Variants in TBC1D22B observed in about 807,000 individuals in gnomAD.
The protein encoded by TBC1D22B is TBC1 domain family member 22B.
Under a neutral mutation model 69.1 loss-of-function variants are expected in TBC1D22B, and 32 were observed. That is an observed-to-expected ratio of 0.46 (90% CI 0.35 to 0.62). The LOEUF (loss-of-function observed/expected upper bound fraction) is 0.62, where lower values mean the gene tolerates loss of function less well. TBC1D22B is among the 20% of genes least tolerant of loss of function. The pLI is 0.00. For missense variants in TBC1D22B, 462 were observed against 630.9 expected (o/e 0.73, Z 2.87); for synonymous variants, 206 against 229.8 (o/e 0.90, Z 0.94).
intron 2 of TBC1D22B, among the ~76,000 whole-genome samples, chr6:37,276,361 C>T (rs1033913396): frequency 6.6e-6 from 1 of 152,162 alleles, no homozygotes; most frequent in Non-Finnish European, 1.5e-5. Flanking sequence ...TCCACGAAAG[C>T]CTCTTTCCTC....
rs749122092 is a variant in TBC1D22B, at chr6:37,331,051, T to C, written c.1397T>C (p.Leu466Pro). The C allele has an allele frequency of 6.2e-7, 1 of 1,614,136 alleles. No individual in the cohort carries two copies. Residue 466 changes from leucine (L) to proline (P), a missense_variant, in exon 13 of 13, where the codon CTC (leucine) becomes CCC (proline). Coordinates refer to ENST00000373491, the MANE Select transcript of TBC1D22B (RefSeq NM_017772.4). ...TCCTTTCTTGCATTCCAGGGTCTCCTCATGCTGCTACAGAACCTACCTACA... is the reference window on the plus strand; with the variant it reads ...TCCTTTCTTGCATTCCAGGGTCTCCCCATGCTGCTACAGAACCTACCTACA... ...ILDEEDFQGL[L>P]MLLQNLPTIH...
intron 2 of TBC1D22B, among the ~76,000 whole-genome samples, chr6:37,270,687 T>G (rs1428311854): frequency 1.3e-5 from 2 of 152,158 alleles, no homozygotes; most frequent in African/African-American, 4.8e-5. Flanking sequence ...CTAAGAACTT[T>G]GGCCTCTATT....
Position 37,316,806 on chromosome 6 carries a change from C to G in TBC1D22B, c.1269C>G (p.Thr423=). The change falls in exon 11 of 13, where the codon ACC becomes ACG. Residue 423 remains threonine, a synonymous_variant. Transcript: ENST00000373491. ...TGCGGGAGCTTCCTCTTCGCTGCACCATCCGCCTGTGGGACACATATCAGG... is the reference window on the plus strand; with the variant it reads ...TGCGGGAGCTTCCTCTTCGCTGCACGATCCGCCTGTGGGACACATATCAGG... The part of the protein sequence containing the change: ...LLMRELPLRC[T]IRLWDTYQSE... 6.2e-7 allele frequency: 1 copy of G among 1,614,212 alleles called. No homozygotes were observed. Among genetic ancestry groups the G allele is most frequent in the East Asian group, 2.2e-5 (1 of 44,878 alleles).
chr6:37,282,256 G>C lies in TBC1D22B; in HGVS notation c.493G>C (p.Ala165Pro). ...LPLRPIIPLV[A>P]RISDQNASGA... is the part of the protein sequence containing the mutation. ...TCTCCGGCCCATCATCCCCCTCGTTGCCCGGATCTCGGATCAGAACGCTTC... is the reference window on the plus strand; with the variant it reads ...TCTCCGGCCCATCATCCCCCTCGTTCCCCGGATCTCGGATCAGAACGCTTC... Residue 165 changes from alanine (A) to proline (P), a missense_variant, in exon 4 of 13, where the codon GCC becomes CCC. By Grantham distance (27) the Ala-to-Pro change is conservative. Around this residue, in one of 2 missense-constraint regions of TBC1D22B, gnomAD observed 237 missense variants for 255.4 expected, o/e 0.93. Coordinates refer to ENST00000373491, the MANE Select transcript of TBC1D22B (RefSeq NM_017772.4). 1 of 1,614,084 alleles carries C rather than the reference G, an allele frequency of 6.2e-7. No homozygotes were observed. The highest frequency in any genetic ancestry group is 8.5e-7 in the Non-Finnish European group (1 of 1,180,016).
At chr6:37,268,266 C>A (rs9470546) in intron 1 of TBC1D22B, among the ~76,000 whole-genome samples, 126,098 of 151,916 alleles carry the variant, frequency 0.83, 52,808 homozygotes, top group South Asian at 0.91. Context: ...CCTTTTCTTT[C>A]CAACAGGGTC....
chr6:37,331,205 C>T lies in TBC1D22B; in HGVS notation c.*33C>T. ...CTCCTCCGGGGACCCAGACTGCCTT[C>T]ATCTCTGATGGCAGTCTGATCACTG... On this transcript the variant is annotated 3_prime_UTR_variant, in exon 13 of 13. Transcript: ENST00000373491. 6.2e-7 allele frequency: 1 copy of T among 1,611,610 alleles called. No homozygotes were observed. The highest frequency in any genetic ancestry group is 8.5e-7 in the Non-Finnish European group (1 of 1,178,164).
intron 2 of TBC1D22B, among the ~76,000 whole-genome samples, chr6:37,278,077 T>C (rs1766720177): frequency 6.6e-6 from 1 of 152,062 alleles, no homozygotes; most frequent in Non-Finnish European, 1.5e-5. Flanking sequence ...TAAGCCAAGA[T>C]TTCTCTACTG....
chr6:37,306,611 C>T (rs1189846297), intron 8 of TBC1D22B, among the ~76,000 whole-genome samples: 4 of 152,226 alleles, frequency 2.6e-5, no homozygotes, highest in Non-Finnish European at 4.4e-5. Flanking sequence ...ACTTAACCAG[C>T]AGCAACTAAT....
chr6:37,327,215 G>C (rs866098242), intron 12 of TBC1D22B, among the ~76,000 whole-genome samples: 1 of 94,834 alleles, frequency 1.1e-5, no homozygotes, highest in Non-Finnish European at 2.0e-5. Flanking sequence ...GCGGTGGCTC[G>C]CGCCTGTAAT....
At chr6:37,303,858 CTG>C (rs1767634625) in intron 8 of TBC1D22B, among the ~76,000 whole-genome samples, 1 of 152,194 alleles carries the variant, frequency 6.6e-6, no homozygotes, top group South Asian at 2.1e-4. Flanking sequence ...TTCTGTCACT[CTG>C]TAGATTTCTC....
intron 1 of TBC1D22B, among the ~76,000 whole-genome samples, chr6:37,260,983 A>G (rs1562035739): frequency 6.6e-6 from 1 of 152,182 alleles, no homozygotes; most frequent in African/African-American, 2.4e-5. Flanking sequence ...TATATTTTCT[A>G]TTCTTCTGCT....
intron 2 of TBC1D22B, among the ~76,000 whole-genome samples, chr6:37,272,342 G>A (rs1766513455): frequency 6.6e-6 from 1 of 151,290 alleles, no homozygotes. Context: ...TAGGATTGCA[G>A]GCAAGAGCCA....
chr6:37,291,706 C>T (rs1024330937), intron 8 of TBC1D22B, among the ~76,000 whole-genome samples: 3 of 152,178 alleles, frequency 2.0e-5, no homozygotes, highest in Non-Finnish European at 4.4e-5. Flanking sequence ...GACATCAAGC[C>T]TGCACACTCC....
chr6:37,271,306 CTG>C (rs1245971704), intron 2 of TBC1D22B, among the ~76,000 whole-genome samples: 2 of 152,100 alleles, frequency 1.3e-5, no homozygotes, highest in Non-Finnish European at 2.9e-5. Flanking sequence ...GAGCAAGACT[CTG>C]TCTCAAAAAA....
At chr6:37,270,093 ATTC>A (rs1464754774) in intron 2 of TBC1D22B, among the ~76,000 whole-genome samples, 2 of 152,140 alleles carry the variant, frequency 1.3e-5, no homozygotes, top group East Asian at 3.9e-4. Context: ...GTAGGCTGGC[ATTC>A]TTTAGTTCCT....
intron 8 of TBC1D22B, among the ~76,000 whole-genome samples, chr6:37,294,213 A>G (rs1767282129): frequency 6.6e-6 from 1 of 152,122 alleles, no homozygotes; most frequent in Non-Finnish European, 1.5e-5. Flanking sequence ...AAATTTAATT[A>G]TTTTTTTAAG....
Position 37,331,350 on chromosome 6 carries a change from T to C in TBC1D22B, c.*178T>C. 1 of 597,688 alleles carries C rather than the reference T, an allele frequency of 1.7e-6. No homozygotes were observed. The highest frequency in any genetic ancestry group is 2.9e-5 in the East Asian group (1 of 33,940). 37.0% of individuals were successfully genotyped at this position (597,688 alleles called of 1,614,324 possible). A position where few individuals can be genotyped will look rare whatever the true frequency, so the allele number is the denominator to read the frequency against. Reference sequence around the variant, plus strand: ...CACTCCATGTCTCTGGATGTGTCACTTGGACCACTGTCAGTATTCCATGCC... The same window carrying C: ...CACTCCATGTCTCTGGATGTGTCACCTGGACCACTGTCAGTATTCCATGCC... On this transcript the variant is annotated 3_prime_UTR_variant, in exon 13 of 13. Coordinates refer to ENST00000373491, the MANE Select transcript of TBC1D22B (RefSeq NM_017772.4).
chr6:37,314,020 T>C (rs1768004169), intron 10 of TBC1D22B, 129 bp downstream of exon 10: 3 of 801,382 alleles, frequency 3.7e-6, no homozygotes, highest in Non-Finnish European at 6.4e-6. Flanking sequence ...TGAGTGCTGC[T>C]GGCAGCACCG....
At chr6:37,324,711 C>G (rs1768343251) in intron 12 of TBC1D22B, among the ~76,000 whole-genome samples, 1 of 152,038 alleles carries the variant, frequency 6.6e-6, no homozygotes, top group African/African-American at 2.4e-5. Context: ...TTTATGACTT[C>G]TCTTCTTTTT....
Sources: gnomAD v4.1 joint callset for allele counts (sites outside exome capture counted in the v4.1 genomes callset) on GRCh38, gnomAD v4.1.1 for gene constraint, gnomAD v4.1.1 regional missense constraint, MANE v1.5 for transcripts, NCBI Gene and HGNC (gene_info 2026-07-23, HGNC 2026-07-21) for gene names.